Variants in PYGB observed in about 807,000 individuals in gnomAD.
The protein encoded by PYGB is glycogen phosphorylase B.
Under a neutral mutation model 94.3 loss-of-function variants are expected in PYGB, and 82 were observed. The ratio of observed to expected loss-of-function variants is 0.87; its 90% CI spans 0.73 to 1.04. The LOEUF (loss-of-function observed/expected upper bound fraction) is 1.04. Ranked by LOEUF, PYGB falls within the 50% of genes least tolerant of loss-of-function variation. PYGB has a pLI of 0.00. For synonymous variants in PYGB, 488 were observed against 479.1 expected (o/e 1.02, Z -0.24); for missense variants, 1,132 against 1,158.2 (o/e 0.98, Z 0.33).
rs146835195 is a variant in PYGB at position 25,284,223 on chromosome 20, C to T, written c.1740C>T (p.Asn580=). 20 of 1,614,008 alleles carry T rather than the reference C, an allele frequency of 1.2e-5. No homozygotes were observed. In the African/African-American group the frequency reaches 2.7e-4, roughly 22 times the overall value. The change falls in exon 14 of 20, where the codon AAC becomes AAT. Residue 580 remains asparagine, a synonymous_variant. Transcript: ENST00000216962. ...ACGAGTACAAGCGGCAGCTGCTCAACTGCCTGCACGTCGTCACCCTGTACA... is the reference window on the plus strand; with the variant it reads ...ACGAGTACAAGCGGCAGCTGCTCAATTGCCTGCACGTCGTCACCCTGTACA... The part of the protein sequence containing the change: ...RIHEYKRQLL[N]CLHVVTLYNR...
rs1250973459 is a variant in PYGB at position 25,283,276 on chromosome 20, AGGTAGGCAT to A, written c.1620+2_1620+10del. 1 of 1,612,638 alleles carries A rather than the reference AGGTAGGCAT, an allele frequency of 6.2e-7. No homozygotes were observed. The highest frequency in any genetic ancestry group is 2.2e-5 in the East Asian group (1 of 44,878). ...ATCAGGGACGTGGCCAAGGTCAAAC[AGGTAGGCAT>A]GGCCCTGGCCCCAGCCCCGACCCCA... On this transcript the variant is annotated splice_donor_variant and splice_donor_5th_base_variant and coding_sequence_variant and intron_variant, in exon 13 of 20. Transcript: ENST00000216962. LOFTEE classifies it high-confidence loss of function.
chr20:25,272,074 G>A (rs779079269), intron 4 of PYGB, among the ~76,000 whole-genome samples: 9 of 152,126 alleles, frequency 5.9e-5, no homozygotes, highest in Non-Finnish European at 1.0e-4. Flanking sequence ...GACCATGGCC[G>A]GGAGGAGGGC....
chr20:25,251,320 C>T (rs555599487), intron 1 of PYGB: 7 of 152,340 alleles, frequency 4.6e-5, no homozygotes, highest in South Asian at 2.1e-4. Flanking sequence ...CCTTTCCATT[C>T]GGTCTGTGCA....
chr20:25,283,208 C>A lies in PYGB; in HGVS notation c.1551C>A (p.Ser517Arg). ...KIGEEFLTDL[S>R]QLKKLLPLVS... ...GGGAGGAGTTCCTGACTGACCTGAG[C>A]CAGCTGAAGAAGCTGCTGCCGCTGG... The change falls in exon 13 of 20, where the codon AGC (serine) becomes AGA (arginine). Residue 517 changes from serine (S) to arginine (R), a missense_variant. By Grantham distance (110) the Ser-to-Arg change is moderately radical. Transcript: ENST00000216962. The A allele has an allele frequency of 6.2e-7, 1 of 1,613,814 alleles. No individual in the cohort carries two copies. Among genetic ancestry groups the A allele is most frequent in the Non-Finnish European group, 8.5e-7 (1 of 1,179,818 alleles).
chr20:25,290,119 G>T (rs748852884), intron 15 of PYGB, among the ~76,000 whole-genome samples: 1 of 152,196 alleles, frequency 6.6e-6, no homozygotes, highest in Non-Finnish European at 1.5e-5. Context: ...GGCTCTTTCC[G>T]AATGTGTCCC....
At chr20:25,271,196 G>A (rs2088263914) in intron 3 of PYGB, among the ~76,000 whole-genome samples, 187 bp from the exon 4 acceptor site, 1 of 152,022 alleles carries the variant, frequency 6.6e-6, no homozygotes, top group Non-Finnish European at 1.5e-5. Flanking sequence ...TAGCCACCAC[G>A]TTGATGTCTT....
At chr20:25,265,592 ATTTTTTTT>A (rs34336965) in intron 2 of PYGB, among the ~76,000 whole-genome samples, 4 of 119,672 alleles carry the variant, frequency 3.3e-5, no homozygotes, top group South Asian at 5.2e-4. Flanking sequence ...TTGTTGTTGA[ATTTTTTTT>A]TTTTTTTTTT....
Position 25,269,119 on chromosome 20 carries a change from T to C in PYGB, c.346-10T>C. 3 of 1,553,170 alleles carry C rather than the reference T, an allele frequency of 1.9e-6. No individual in the cohort carries two copies. The highest frequency in any genetic ancestry group is 2.7e-6 in the Non-Finnish European group (3 of 1,124,652). ...TAACATTAAAATGCTGCCTGTGTTTTTGTTTGCAGTTGGGGTTAGACTTGG... is the reference window on the plus strand; with the variant it reads ...TAACATTAAAATGCTGCCTGTGTTTCTGTTTGCAGTTGGGGTTAGACTTGG... On this transcript the variant is annotated splice_polypyrimidine_tract_variant and intron_variant, in intron 2 of 19. Coordinates refer to ENST00000216962, the MANE Select transcript of PYGB (RefSeq NM_002862.4).
intron 11 of PYGB, among the ~76,000 whole-genome samples, chr20:25,281,529 C>T (rs977520654): frequency 2.0e-5 from 3 of 152,342 alleles, no homozygotes; most frequent in African/African-American, 4.8e-5. Flanking sequence ...GGAATTACTC[C>T]CACTCTTTCA....
intron 1 of PYGB, among the ~76,000 whole-genome samples, chr20:25,258,289 C>T (rs958821423): frequency 6.6e-6 from 1 of 152,220 alleles, no homozygotes; most frequent in Non-Finnish European, 1.5e-5. Flanking sequence ...GCTATCTCCA[C>T]TGTCAAGTTG....
chr20:25,272,655 C>T (rs781658843), intron 4 of PYGB, among the ~76,000 whole-genome samples: 1 of 152,218 alleles, frequency 6.6e-6, no homozygotes, highest in African/African-American at 2.4e-5. Flanking sequence ...TAACCTAAAA[C>T]GGACTCGGAT....
chr20:25,289,950 C>T (rs2088451029), intron 15 of PYGB: 1 of 533,514 alleles, frequency 1.9e-6, no homozygotes, highest in African/African-American at 1.9e-5. Flanking sequence ...GGGTCCCCTG[C>T]CCAGTTGTCT....
At chr20:25,253,153 C>T (rs138941463) in intron 1 of PYGB, among the ~76,000 whole-genome samples, 270 of 152,364 alleles carry the variant, frequency 1.8e-3, no homozygotes, top group African/African-American at 6.3e-3. Context: ...GAAGGCCTTG[C>T]AGAACAAACC....
chr20:25,277,255 G>T lies in PYGB; in HGVS notation c.784G>T (p.Asp262Tyr). The T allele has an allele frequency of 6.4e-7, 1 of 1,569,384 alleles. No individual in the cohort carries two copies. The highest frequency in any genetic ancestry group is 2.2e-5 in the East Asian group (1 of 44,654). The change falls in exon 7 of 20, where the codon GAC becomes TAC. Residue 262 changes from aspartate to tyrosine, a missense_variant. Physicochemically the swap from Asp to Tyr is radical, Grantham distance 160 (BLOSUM62 -3). Transcript: ENST00000216962. The stretch of plus-strand genomic sequence containing the variant: ...CCATTTCTTCTTAGTCAACGTGGGA[G>T]ACTACATCGAGGCGGTCCTGGACCG... ...DFKLQDFNVG[D>Y]YIEAVLDRNL...
In PYGB at chr20:25,271,468, G is replaced by T. The variant is rs1201479000; in HGVS notation, c.510G>T (p.Lys170Asn). 1.2e-6 allele frequency: 2 copies of T among 1,613,728 alleles called. No individual in the cohort carries two copies. Among genetic ancestry groups the T allele is most frequent in the Non-Finnish European group, 1.7e-6 (2 of 1,179,564 alleles). ...ATGAATTTGGGATTTTTAACCAGAA[G>T]ATTGTCAATGGCTGGCAGGTGGGTG... is the stretch of plus-strand genomic sequence containing the variant. Reference protein sequence around the residue: ...IRYEFGIFNQKIVNGWQVEEA... With the variant: ...IRYEFGIFNQNIVNGWQVEEA... Residue 170 changes from lysine (K) to asparagine (N), a missense_variant, in exon 4 of 20, where the codon AAG (lysine) becomes AAT (asparagine). Coordinates refer to ENST00000216962, the MANE Select transcript of PYGB (RefSeq NM_002862.4).
In PYGB at chr20:25,280,402, G is replaced by C; in HGVS notation, c.1229G>C (p.Arg410Pro). The change falls in exon 10 of 20, where the codon CGG becomes CCG. Residue 410 changes from arginine (R) to proline (P), a missense_variant. Coordinates refer to ENST00000216962, the MANE Select transcript of PYGB (RefSeq NM_002862.4). The part of the protein sequence containing the change: ...HLEIIYAINQ[R>P]HLDHVAALFP... ...GAGATAATCTATGCCATCAACCAGC[G>C]GCACCTGGACGTGAGTGTGGGCCCA... 2 of 1,614,082 alleles carry C rather than the reference G, an allele frequency of 1.2e-6. No individual in the cohort carries two copies. Among genetic ancestry groups the C allele is most frequent in the South Asian group, 2.2e-5 (2 of 91,078 alleles).
At position 25,280,388 on chromosome 20, in the gene PYGB, T is replaced by C; in HGVS notation, c.1215T>C (p.Tyr405=). Residue 405 remains tyrosine (Y), a synonymous_variant, in exon 10 of 20, where the codon TAT becomes TAC. Transcript: ENST00000216962. ...TGCCGCGGCACCTGGAGATAATCTATGCCATCAACCAGCGGCACCTGGACG... is the reference window on the plus strand; with the variant it reads ...TGCCGCGGCACCTGGAGATAATCTACGCCATCAACCAGCGGCACCTGGACG... ...KLLPRHLEII[Y]AINQRHLDHV... is the part of the protein sequence containing the mutation. The C allele has an allele frequency of 1.9e-6, 3 of 1,614,148 alleles. No homozygotes were observed. Among genetic ancestry groups the C allele is most frequent in the Non-Finnish European group, 2.5e-6 (3 of 1,180,008 alleles).
intron 13 of PYGB, 152 bp downstream of exon 13, chr20:25,283,429 G>A: frequency 1.5e-6 from 1 of 676,638 alleles, no homozygotes. Flanking sequence ...GGGTGAGGCT[G>A]TTAGGGTTGC....
intron 12 of PYGB, 69 bp from the exon 13 acceptor site, chr20:25,283,107 G>C (rs760850652): frequency 7.7e-7 from 1 of 1,292,814 alleles, no homozygotes; most frequent in African/African-American, 1.5e-5. Flanking sequence ...TGGGAGGAGG[G>C]CAGGTGGCTA....
Sources: gnomAD v4.1 joint callset for allele counts (sites outside exome capture counted in the v4.1 genomes callset) on GRCh38, gnomAD v4.1.1 for gene constraint, MANE v1.5 for transcripts, NCBI Gene and HGNC (gene_info 2026-07-23, HGNC 2026-07-21) for gene names.